Variants in ANKS1B observed in about 807,000 individuals in gnomAD.
The protein encoded by ANKS1B is ankyrin repeat and sterile alpha motif domain-containing protein 1B.
ANKS1B carries 36 observed loss-of-function variants against 148.3 expected under a neutral mutation model. That is an observed-to-expected ratio of 0.24 (90% CI 0.19 to 0.32). ANKS1B has a LOEUF of 0.32. Ranked by LOEUF, ANKS1B falls within the 10% of genes least tolerant of loss-of-function variation. ANKS1B has a pLI of 1.00. For missense variants in ANKS1B, 1,157 were observed against 1,542.6 expected (o/e 0.75, Z 4.19); for synonymous variants, 542 against 560.8 (o/e 0.97, Z 0.47).
Position 99,984,204 on chromosome 12 carries a change from G to A in ANKS1B, c.34C>T (p.Arg12Cys), listed in dbSNP as rs1339675146. 4 of 1,613,624 alleles carry A rather than the reference G, an allele frequency of 2.5e-6. No individual in the cohort carries two copies. The highest frequency in any genetic ancestry group is 3.4e-6 in the Non-Finnish European group (4 of 1,179,820). The stretch of plus-strand genomic sequence containing the variant: ...TCCACCAGAGCCACATTTCCAGTGC[G>A]AGCAGCTTCCAGCAGCTCCTGGTCC... Reference protein sequence around the residue: ...GKDQELLEAARTGNVALVEKL... With the variant: ...GKDQELLEAACTGNVALVEKL... The change falls in exon 1 of 27, where the codon CGC becomes TGC. Residue 12 changes from arginine (R) to cysteine (C), a missense_variant. Arg to Cys is a radical substitution (Grantham distance 180). Transcript: ENST00000683438.
chr12:98,846,514 T>C (rs977924821), intron 17 of ANKS1B, among the ~76,000 whole-genome samples: 1 of 152,240 alleles, frequency 6.6e-6, no homozygotes, highest in Non-Finnish European at 1.5e-5. Flanking sequence ...AGTGACCAGG[T>C]TGACCTGTGC....
At chr12:99,310,002 G>C (rs2082915590) in intron 12 of ANKS1B, among the ~76,000 whole-genome samples, 1 of 152,046 alleles carries the variant, frequency 6.6e-6, no homozygotes, top group Admixed American at 6.6e-5. Flanking sequence ...ACATAGTGTT[G>C]CTAGGAAACA....
At chr12:99,446,780 A>G (rs1040434710) in intron 10 of ANKS1B, among the ~76,000 whole-genome samples, 3 of 152,068 alleles carry the variant, frequency 2.0e-5, no homozygotes, top group African/African-American at 7.2e-5. Context: ...AATAAATAAT[A>G]AAAACAACAA....
chr12:98,894,834 C>CGCGCT lies in ANKS1B; in HGVS notation c.2779-62703_2779-62699dup, dbSNP rs1302455719. The CGCGCT allele has an allele frequency of 5.5e-5, 54 of 982,046 alleles. No individual in the cohort carries two copies. The African/African-American group carries it at 8.1e-4, about 15-fold the overall frequency. The allele number at this position is 982,046 out of a possible 1,614,324, so 60.8% of individuals were successfully genotyped here. On this transcript the variant is annotated intron_variant, in intron 17 of 26. Transcript: ENST00000683438. Reference sequence around the variant, plus strand: ...GGAGAGGCGCGGAGCTTGGCCGCGCCGCGCTGCGCCGAGCGCCGGGCTCTC... The same window carrying CGCGCT: ...GGAGAGGCGCGGAGCTTGGCCGCGCCGCGCTGCGCTGCGCCGAGCGCCGGGCTCTC...
chr12:98,757,692 C>T (rs1347248383), intron 25 of ANKS1B, among the ~76,000 whole-genome samples: 2 of 152,206 alleles, frequency 1.3e-5, no homozygotes, highest in African/African-American at 4.8e-5. Context: ...TTACTACCTC[C>T]CTTGGGCATA....
At position 99,286,257 on chromosome 12, in the gene ANKS1B, T is replaced by C. The variant is rs531416956; in HGVS notation, c.1757-39393A>G. Among the ~76,000 whole-genome samples the C allele has an allele frequency of 1.1e-4, 16 of 151,876 alleles. No individual in the cohort carries two copies. In the East Asian group the frequency reaches 3.2e-3, roughly 30 times the overall value. ...ACCAGGGAGAGTCTGACAGCCCTCA[T>C]TCCAGGTCCTGGTTCCTGGACAAAA... On this transcript the variant is annotated intron_variant, in intron 12 of 26. Coordinates refer to ENST00000683438, the MANE Select transcript of ANKS1B (RefSeq NM_001352186.2).
Position 98,826,500 on chromosome 12 carries a change from G to A in ANKS1B, c.3066+2674C>T, listed in dbSNP as rs188864419. Among the ~76,000 whole-genome samples the A allele has an allele frequency of 7.2e-5, 11 of 151,936 alleles. No individual in the cohort carries two copies. In the East Asian group the frequency reaches 1.5e-3, roughly 21 times the overall value. On this transcript the variant is annotated intron_variant, in intron 19 of 26. Transcript: ENST00000683438. ...GGCAAAACTCCTAATGAATTATTGC[G>A]GCCACCAAGAACTTAAGGTTTCTGG... is the stretch of plus-strand genomic sequence containing the variant.
rs559244286 is a variant in ANKS1B at position 99,659,528 on chromosome 12, A to G, written c.1129-4318T>C. Among the ~76,000 whole-genome samples the G allele has an allele frequency of 2.0e-5, 3 of 152,270 alleles. No individual in the cohort carries two copies. The South Asian group carries it at 6.2e-4, about 32-fold the overall frequency. On this transcript the variant is annotated intron_variant, in intron 8 of 26. Coordinates refer to ENST00000683438, the MANE Select transcript of ANKS1B (RefSeq NM_001352186.2). ...AATTGAAAAACAGTCACAATAATATACTGTAGGGAGACAAACTTGAGCTCA... is the reference window on the plus strand; with the variant it reads ...AATTGAAAAACAGTCACAATAATATGCTGTAGGGAGACAAACTTGAGCTCA...
In ANKS1B at chr12:99,984,376, A is replaced by C; in HGVS notation, c.-139T>G. 2.1e-5 allele frequency: 9 copies of C among 423,904 alleles called. No homozygotes were observed. The highest frequency in any genetic ancestry group is 2.0e-5 in the Non-Finnish European group (5 of 244,920). The allele number at this position is 423,904 out of a possible 1,614,324, so 26.3% of individuals were successfully genotyped here. A position where few individuals can be genotyped will look rare whatever the true frequency, so the allele number is the denominator to read the frequency against. On this transcript the variant is annotated 5_prime_UTR_variant, in exon 1 of 27. Coordinates refer to ENST00000683438, the MANE Select transcript of ANKS1B (RefSeq NM_001352186.2). ...AGCTTCAGCACGGAGAGCTCCCTGC[A>C]GCCCCAGGCAGGGAGCACGACTCTC...
rs117497278 is a variant in ANKS1B at position 99,742,074 on chromosome 12, C to T, written c.1128+30848G>A. ...GATGAGAACACATGGACACATACAG[C>T]GGAACAATACACACTGGAGCCTATT... On this transcript the variant is annotated intron_variant, in intron 8 of 26. Transcript: ENST00000683438. Among the ~76,000 whole-genome samples the T allele has an allele frequency of 3.6e-3, 546 of 151,190 alleles. 19 individuals are homozygous for T. The South Asian group carries it at 0.053, about 15-fold the overall frequency.
At chr12:99,390,024 T>A (rs970799819) in intron 12 of ANKS1B, among the ~76,000 whole-genome samples, 7 of 152,188 alleles carry the variant, frequency 4.6e-5, no homozygotes, top group Non-Finnish European at 1.0e-4. Flanking sequence ...AAGACTCTGG[T>A]GCCTGGCTGG....
chr12:99,362,374 A>C (rs2092532514), intron 12 of ANKS1B, among the ~76,000 whole-genome samples: 1 of 152,016 alleles, frequency 6.6e-6, no homozygotes, highest in African/African-American at 2.4e-5. Flanking sequence ...GGGTTCTGTC[A>C]TTGTCCTTAC....
chr12:99,516,463 A>C (rs901100989), intron 9 of ANKS1B, among the ~76,000 whole-genome samples: 5 of 152,146 alleles, frequency 3.3e-5, no homozygotes, highest in Admixed American at 2.6e-4. Flanking sequence ...GCTGGAAGCC[A>C]TTATCCTCAG....
At chr12:99,751,896 A>T (rs1317216399) in intron 8 of ANKS1B, among the ~76,000 whole-genome samples, 2 of 152,086 alleles carry the variant, frequency 1.3e-5, no homozygotes, top group Admixed American at 6.6e-5. Context: ...TAATGTTTTG[A>T]TGGAGGAGGA....
intron 14 of ANKS1B, among the ~76,000 whole-genome samples, chr12:99,199,205 C>T (rs1295287799): frequency 6.6e-6 from 1 of 152,170 alleles, no homozygotes; most frequent in Non-Finnish European, 1.5e-5. Context: ...AATTCCTGAC[C>T]TGCAGAAACT....
chr12:99,042,094 A>G (rs557947739), intron 17 of ANKS1B, among the ~76,000 whole-genome samples: 2 of 152,252 alleles, frequency 1.3e-5, no homozygotes, highest in African/African-American at 4.8e-5. Flanking sequence ...TCTGGGGTGC[A>G]CTGATTGCAG....
intron 8 of ANKS1B, among the ~76,000 whole-genome samples, chr12:99,748,994 G>C (rs2060857231): frequency 6.6e-6 from 1 of 152,036 alleles, no homozygotes; most frequent in Non-Finnish European, 1.5e-5. Flanking sequence ...AGACACTATA[G>C]TTTTCTAAGC....
At chr12:98,753,618 G>A (rs565963746) in intron 25 of ANKS1B, among the ~76,000 whole-genome samples, 2 of 151,942 alleles carry the variant, frequency 1.3e-5, no homozygotes, top group African/African-American at 2.4e-5. Context: ...GTAGAGATGG[G>A]GTTTCTCCAT....
intron 17 of ANKS1B, among the ~76,000 whole-genome samples, chr12:99,042,836 A>T (rs1000710481): frequency 6.6e-6 from 1 of 152,252 alleles, no homozygotes; most frequent in African/African-American, 2.4e-5. Flanking sequence ...CTTTTAGAAA[A>T]GCAGAGATTC....
Sources: allele counts gnomAD v4.1 joint callset (sites outside exome capture counted in the v4.1 genomes callset), GRCh38; gene constraint gnomAD v4.1.1; transcripts MANE v1.5; gene names NCBI Gene and HGNC (gene_info 2026-07-23, HGNC 2026-07-21).